Variants in TRPM3 observed in about 807,000 individuals in gnomAD.
TRPM3 encodes the protein long transient receptor potential channel 3.
In TRPM3, 77 loss-of-function variants were observed where a neutral mutation model predicts 181.2. That is an observed-to-expected ratio of 0.42 (90% confidence interval 0.35 to 0.51). The LOEUF is 0.51. Ranked by LOEUF, TRPM3 falls within the 20% of genes least tolerant of loss-of-function variation. The probability of loss-of-function intolerance (pLI) is 0.01; values close to 1 mark genes in which losing one functional copy is unlikely to be tolerated. For synonymous variants in TRPM3, 745 were observed against 796.4 expected (o/e 0.94, Z 1.09); for missense variants, 1,759 against 2,196.7 (o/e 0.80, Z 3.98).
At chr9:71,391,891 G>A (rs1057214654) in intron 1 of TRPM3, among the ~76,000 whole-genome samples, 1 of 152,048 alleles carries the variant, frequency 6.6e-6, no homozygotes, top group African/African-American at 2.4e-5. Context: ...ACTCAATTTA[G>A]AGGTATTTTA....
At chr9:70,842,741 C>A (rs1422846932) in intron 5 of TRPM3, among the ~76,000 whole-genome samples, 1 of 152,028 alleles carries the variant, frequency 6.6e-6, no homozygotes, top group East Asian at 1.9e-4. Flanking sequence ...GAAGAAAGAC[C>A]ACTGCTTGAT....
chr9:71,438,738 A>G (rs62546065), intron 1 of TRPM3, among the ~76,000 whole-genome samples: 8,636 of 152,294 alleles, frequency 0.057, 447 homozygotes, highest in East Asian at 0.28. Flanking sequence ...TGTAATACCT[A>G]AGACTTGCTT....
chr9:70,933,287 G>A (rs1384016430), intron 1 of TRPM3, among the ~76,000 whole-genome samples: 1 of 152,118 alleles, frequency 6.6e-6, no homozygotes, highest in Non-Finnish European at 1.5e-5. Context: ...TTTATAGATA[G>A]GAACTAAATT....
intron 7 of TRPM3, among the ~76,000 whole-genome samples, chr9:70,766,114 G>A (rs959870581): frequency 4.6e-5 from 7 of 152,062 alleles, no homozygotes; most frequent in Non-Finnish European, 7.4e-5. Flanking sequence ...CTATACTATG[G>A]CATTTGTGTC....
intron 1 of TRPM3, among the ~76,000 whole-genome samples, chr9:70,978,775 A>T (rs2909294): frequency 0.67 from 101,968 of 152,046 alleles, 34,391 homozygotes; most frequent in South Asian, 0.74. Flanking sequence ...TATGTGGGGA[A>T]GTGGGTCTCA....
intron 1 of TRPM3, among the ~76,000 whole-genome samples, chr9:71,060,441 A>G (rs2061186303): frequency 6.6e-6 from 1 of 152,132 alleles, no homozygotes; most frequent in Non-Finnish European, 1.5e-5. Flanking sequence ...ATGCTAAGGA[A>G]AAATATGATT....
rs117601526 is a variant in TRPM3 at position 70,598,893 on chromosome 9, G to T, written c.2797-223C>A. On this transcript the variant is annotated intron_variant, in intron 20 of 25. Coordinates refer to ENST00000677713, the MANE Select transcript of TRPM3 (RefSeq NM_001366145.2). Reference sequence around the variant, plus strand: ...ATAAGCAATAATTTTGATTCTTTGGGTGGTGGTAAAATTCTAAGACACACA... The same window carrying T: ...ATAAGCAATAATTTTGATTCTTTGGTTGGTGGTAAAATTCTAAGACACACA... Among the ~76,000 whole-genome samples the T allele has an allele frequency of 1.3e-3, 196 of 152,266 alleles. 1 individual carries two copies. The highest frequency in any genetic ancestry group is 3.4e-3 in the Middle Eastern group (1 of 294).
At chr9:71,096,347 A>G (rs2067200636) in intron 1 of TRPM3, among the ~76,000 whole-genome samples, 2 of 151,012 alleles carry the variant, frequency 1.3e-5, no homozygotes, top group African/African-American at 4.9e-5. Context: ...ACCTGAAGGA[A>G]CAAGGTAATC....
chr9:71,275,367 T>G (rs1373734545), intron 1 of TRPM3, among the ~76,000 whole-genome samples: 3 of 152,184 alleles, frequency 2.0e-5, no homozygotes, highest in African/African-American at 4.8e-5. Context: ...AACATTTTAT[T>G]GAAAGATATA....
At chr9:70,810,751 G>T (rs2091877032) in intron 6 of TRPM3, among the ~76,000 whole-genome samples, 1 of 152,246 alleles carries the variant, frequency 6.6e-6, no homozygotes, top group South Asian at 2.1e-4. Flanking sequence ...GTCAGCCTAG[G>T]TTTGCACCCA....
At chr9:70,813,751 G>A (rs1338319860) in intron 6 of TRPM3, among the ~76,000 whole-genome samples, 1 of 152,212 alleles carries the variant, frequency 6.6e-6, no homozygotes, top group Non-Finnish European at 1.5e-5. Flanking sequence ...TGGGCTAAGA[G>A]GCATACTTCT....
chr9:71,337,459 C>T (rs190574904), intron 1 of TRPM3, among the ~76,000 whole-genome samples: 181 of 152,252 alleles, frequency 1.2e-3, no homozygotes, highest in Non-Finnish European at 1.8e-3. Context: ...GAAATAGGAA[C>T]GCTTTTACAC....
At chr9:70,881,046 G>T (rs1233647095) in intron 1 of TRPM3, among the ~76,000 whole-genome samples, 1 of 151,894 alleles carries the variant, frequency 6.6e-6, no homozygotes, top group Non-Finnish European at 1.5e-5. Context: ...TGACAATCCT[G>T]GATTCTTTTT....
intron 1 of TRPM3, among the ~76,000 whole-genome samples, chr9:71,025,938 C>G: frequency 7.2e-6 from 1 of 138,506 alleles, no homozygotes; most frequent in Non-Finnish European, 1.5e-5. Flanking sequence ...ACTGCTGGTC[C>G]CCAGTGACTA....
chr9:71,188,867 A>T (rs1019372009), intron 1 of TRPM3, among the ~76,000 whole-genome samples: 1 of 151,966 alleles, frequency 6.6e-6, no homozygotes, highest in Non-Finnish European at 1.5e-5. Context: ...AAATAAGAGG[A>T]TGTATATAAA....
intron 1 of TRPM3, among the ~76,000 whole-genome samples, chr9:71,079,701 TTAG>T (rs1199448789): frequency 3.3e-5 from 5 of 152,278 alleles, no homozygotes; most frequent in African/African-American, 1.2e-4. Flanking sequence ...TCCAGCTGGC[TTAG>T]TAGTCAACAG....
intron 1 of TRPM3, among the ~76,000 whole-genome samples, chr9:71,261,519 CTA>C (rs1240275898): frequency 2.6e-5 from 4 of 152,184 alleles, no homozygotes; most frequent in East Asian, 1.9e-4. Context: ...ATTCGTCAAA[CTA>C]TTTCTCCATC....
At chr9:71,049,159 G>T (rs1364889815) in intron 1 of TRPM3, among the ~76,000 whole-genome samples, 1 of 151,994 alleles carries the variant, frequency 6.6e-6, no homozygotes, top group Admixed American at 6.6e-5. Context: ...CATTGCTCGA[G>T]AGTCAGCAGG....
intron 1 of TRPM3, among the ~76,000 whole-genome samples, chr9:71,042,371 G>A (rs77533537): frequency 6.6e-6 from 1 of 152,064 alleles, no homozygotes; most frequent in South Asian, 2.1e-4. Context: ...TTCAACAACT[G>A]CTTTAAAAAA....
Sources: gnomAD v4.1 joint callset for allele counts (sites outside exome capture counted in the v4.1 genomes callset) on GRCh38, gnomAD v4.1.1 for gene constraint, MANE v1.5 for transcripts, NCBI Gene and HGNC (gene_info 2026-07-23, HGNC 2026-07-21) for gene names.